FBXL4: variants seen among roughly 807,000 people sequenced by gnomAD.
FBXL4 encodes F-box and leucine rich repeat protein 4.
In FBXL4, 40 loss-of-function variants were observed where a neutral mutation model predicts 58.9. The observed-to-expected ratio is 0.68, with a 90% CI of 0.53 to 0.88. The LOEUF is 0.88. FBXL4 is among the 40% of genes least tolerant of loss of function. The pLI is 0.00. For synonymous variants in FBXL4, 263 were observed against 265.5 expected (o/e 0.99, Z 0.09); for missense variants, 676 against 734.4 (o/e 0.92, Z 0.92).
At chr6:98,882,817 T>C (rs554299827) in intron 7 of FBXL4, among the ~76,000 whole-genome samples, 1 of 152,202 alleles carries the variant, frequency 6.6e-6, no homozygotes, top group East Asian at 1.9e-4. Context: ...TATTCCATTA[T>C]GCAAATATAT....
intron 2 of FBXL4, among the ~76,000 whole-genome samples, chr6:98,932,748 T>A (rs1582448936): frequency 6.6e-6 from 1 of 151,604 alleles, no homozygotes; most frequent in East Asian, 1.9e-4. Context: ...TGAAAACAAG[T>A]TTAAAACTCA....
chr6:98,943,089 G>A (rs1370505504), intron 1 of FBXL4, among the ~76,000 whole-genome samples: 1 of 151,472 alleles, frequency 6.6e-6, no homozygotes, highest in Non-Finnish European at 1.5e-5. Flanking sequence ...TCTGAATAAG[G>A]TCTATAGATT....
intron 1 of FBXL4, among the ~76,000 whole-genome samples, chr6:98,937,904 C>T (rs1230256758): frequency 3.3e-5 from 5 of 152,236 alleles, no homozygotes; most frequent in African/African-American, 4.8e-5. Flanking sequence ...TCTTCTTCCT[C>T]GTCATCTGGC....
At chr6:98,895,401 T>A (rs1273478621) in intron 7 of FBXL4, among the ~76,000 whole-genome samples, 1 of 152,222 alleles carries the variant, frequency 6.6e-6, no homozygotes. Context: ...ATGTTGTATA[T>A]GTTAGTTACT....
intron 5 of FBXL4, among the ~76,000 whole-genome samples, chr6:98,909,782 T>A (rs1379738824): frequency 6.6e-6 from 1 of 152,026 alleles, no homozygotes; most frequent in Non-Finnish European, 1.5e-5. Flanking sequence ...CTCCTCCCAG[T>A]AAAGGCCAGT....
At chr6:98,928,578 C>G (rs1211115421) in intron 2 of FBXL4, among the ~76,000 whole-genome samples, 1 of 152,140 alleles carries the variant, frequency 6.6e-6, no homozygotes, top group Non-Finnish European at 1.5e-5. Context: ...GATCTGCCTG[C>G]CTCGGCCTCC....
At chr6:98,908,553 T>C (rs1033023823) in intron 5 of FBXL4, among the ~76,000 whole-genome samples, 1 of 152,178 alleles carries the variant, frequency 6.6e-6, no homozygotes. Flanking sequence ...CATTTAGAAG[T>C]TTTGATGCAA....
chr6:98,901,411 G>C (rs1360179164), intron 6 of FBXL4, among the ~76,000 whole-genome samples: 4 of 151,818 alleles, frequency 2.6e-5, no homozygotes, highest in Admixed American at 1.3e-4. Context: ...CAGAGATGAG[G>C]GACAGTTGAC....
chr6:98,868,640 TCA>T lies in FBXL4; in HGVS notation c.*5636_*5637del, dbSNP rs1404961136. 6.6e-6 allele frequency: 1 copy of T among 152,168 alleles called. No homozygotes were observed. Among genetic ancestry groups the T allele is most frequent in the Non-Finnish European group, 1.5e-5 (1 of 68,022 alleles). The allele number at this position is 152,168 out of a possible 1,614,324, so 9.4% of individuals were successfully genotyped here. A position where few individuals can be genotyped will look rare whatever the true frequency, so the allele number is the denominator to read the frequency against. On this transcript the variant is annotated 3_prime_UTR_variant, in exon 10 of 10. Transcript: ENST00000369244. ...TTTATGTAAATAAAATTAAAATATC[TCA>T]GTCGTCTGTACAGACAACTTCATTT...
intron 7 of FBXL4, chr6:98,898,760 T>A (rs567461946): frequency 1.0e-6 from 1 of 985,192 alleles, no homozygotes; most frequent in African/African-American, 1.7e-5. Flanking sequence ...AGATAATATA[T>A]GCACTGACCC....
intron 4 of FBXL4, among the ~76,000 whole-genome samples, chr6:98,920,120 A>G (rs1307751734): frequency 1.3e-5 from 2 of 152,200 alleles, no homozygotes; most frequent in African/African-American, 4.8e-5. Context: ...GAAATGCATT[A>G]TAATGTAAAT....
At chr6:98,916,932 A>G (rs1772381240) in intron 5 of FBXL4, among the ~76,000 whole-genome samples, 2 of 152,084 alleles carry the variant, frequency 1.3e-5, no homozygotes, top group Admixed American at 1.3e-4. Flanking sequence ...TATAGAAAAA[A>G]AATGACACTT....
chr6:98,947,191 T>A (rs976281852), intron 1 of FBXL4, among the ~76,000 whole-genome samples: 2 of 152,236 alleles, frequency 1.3e-5, no homozygotes, highest in African/African-American at 4.8e-5. Flanking sequence ...TTTGTGGCAA[T>A]GATTACTGGG....
chr6:98,898,359 C>T (rs1771479572), intron 7 of FBXL4: 1 of 985,184 alleles, frequency 1.0e-6, no homozygotes, highest in African/African-American at 1.7e-5. Flanking sequence ...CTAGCAATAC[C>T]ACCTCTAGGA....
In FBXL4 at chr6:98,869,898, G is replaced by A. The variant is rs1287133083; in HGVS notation, c.*4380C>T. On this transcript the variant is annotated 3_prime_UTR_variant, in exon 10 of 10. Transcript: ENST00000369244. ...CTTATTTCAAAACAATTTACATTGA[G>A]AGTATTATTTATGCTCTTAAACAGG... The A allele has an allele frequency of 6.6e-6, 1 of 152,110 alleles. No homozygotes were observed. The highest frequency in any genetic ancestry group is 2.4e-5 in the African/African-American group (1 of 41,414). 9.4% of individuals were successfully genotyped at this position (152,110 alleles called of 1,614,324 possible). A position where few individuals can be genotyped will look rare whatever the true frequency, so the allele number is the denominator to read the frequency against.
intron 5 of FBXL4, among the ~76,000 whole-genome samples, chr6:98,912,806 G>A (rs538198017): frequency 1.3e-5 from 2 of 151,456 alleles, no homozygotes; most frequent in East Asian, 3.9e-4. Context: ...ATAATGACAG[G>A]ATCAAATTCA....
rs145531787 is a variant in FBXL4, at chr6:98,908,139, C to T, written c.859-2469G>A. On this transcript the variant is annotated intron_variant, in intron 5 of 9. Coordinates refer to ENST00000369244, the MANE Select transcript of FBXL4 (RefSeq NM_001278716.2). ...AAAAATTTCAAGTAAAAAGTAAACC[C>T]AAACATTAAAGAAAGGTCTAAAATA... is the stretch of plus-strand genomic sequence containing the variant. 3.0e-3 allele frequency among the ~76,000 whole-genome samples: 460 copies of T among 152,178 alleles called. 6 individuals carry two copies. In the East Asian group the frequency reaches 0.034, roughly 11 times the overall value.
chr6:98,937,224 C>A (rs894133769), intron 1 of FBXL4, among the ~76,000 whole-genome samples: 13 of 151,740 alleles, frequency 8.6e-5, no homozygotes, highest in Admixed American at 7.2e-4. Context: ...GCAGGAGAAT[C>A]ACTTGAACCT....
At chr6:98,894,004 A>G (rs1771325555) in intron 7 of FBXL4, among the ~76,000 whole-genome samples, 1 of 152,044 alleles carries the variant, frequency 6.6e-6, no homozygotes, top group Non-Finnish European at 1.5e-5. Flanking sequence ...CAGTCTCCTG[A>G]GTGGGACTAC....
Sources: allele counts gnomAD v4.1 joint callset (sites outside exome capture counted in the v4.1 genomes callset), GRCh38; gene constraint gnomAD v4.1.1; transcripts MANE v1.5; gene names NCBI Gene and HGNC (gene_info 2026-07-23, HGNC 2026-07-21).